Variants in CRACD observed in about 807,000 individuals in gnomAD.
The protein encoded by CRACD is capping protein-inhibiting regulator of actin dynamics.
CRACD carries 56 observed loss-of-function variants against 106.8 expected under a neutral mutation model. That is an observed-to-expected ratio of 0.52 (90% CI 0.42 to 0.66). CRACD has a LOEUF of 0.66. Among genes scored for constraint, CRACD ranks in the 30% least tolerant of loss-of-function variants. The pLI is 0.00. For missense variants in CRACD, 1,730 were observed against 1,623.2 expected (o/e 1.07, Z -1.13); for synonymous variants, 754 against 670.8 (o/e 1.12, Z -1.92).
intron 9 of CRACD, 61 bp from the exon 10 acceptor site, chr4:56,324,043 G>T (rs1160353346): frequency 8.5e-6 from 13 of 1,537,520 alleles, no homozygotes; most frequent in Admixed American, 5.7e-5. Context: ...GGCCTGCAGG[G>T]TCAGTCTTTC....
At chr4:56,079,426 G>A (rs367582730) in intron 1 of CRACD, among the ~76,000 whole-genome samples, 17 of 150,790 alleles carry the variant, frequency 1.1e-4, no homozygotes, top group South Asian at 4.2e-4. Context: ...TTCTAACATC[G>A]TCCTAGTAAT....
Position 56,316,390 on chromosome 4 carries a change from T to C in CRACD, c.2888T>C (p.Leu963Pro), listed in dbSNP as rs1745652318. The C allele has an allele frequency of 1.2e-6, 2 of 1,614,136 alleles. No homozygotes were observed. Among genetic ancestry groups the C allele is most frequent in the South Asian group, 1.1e-5 (1 of 91,086 alleles). The change falls in exon 8 of 11, where the codon CTG becomes CCG. Residue 963 changes from leucine to proline, a missense_variant. Transcript: ENST00000682029. ...NKMPLAQKPA[L>P]APKPTSQTPP... The stretch of plus-strand genomic sequence containing the variant: ...ATGCCACTGGCACAAAAGCCAGCAC[T>C]GGCTCCCAAGCCCACCAGTCAGACC...
At chr4:56,240,142 A>G (rs1008309213) in intron 2 of CRACD, among the ~76,000 whole-genome samples, 1 of 152,182 alleles carries the variant, frequency 6.6e-6, no homozygotes, top group Admixed American at 6.5e-5. Context: ...ATGTATGTAT[A>G]CTTTTCCTTG....
chr4:56,310,091 C>T (rs576509422), intron 5 of CRACD, among the ~76,000 whole-genome samples: 1 of 151,456 alleles, frequency 6.6e-6, no homozygotes, highest in African/African-American at 2.4e-5. Context: ...TACAAATGAC[C>T]TCTGGGGGTC....
chr4:56,323,501 G>C lies in CRACD; in HGVS notation c.3312G>C (p.Gln1104His). 1 of 1,608,742 alleles carries C rather than the reference G, an allele frequency of 6.2e-7. No homozygotes were observed. Among genetic ancestry groups the C allele is most frequent in the Non-Finnish European group, 8.5e-7 (1 of 1,178,628 alleles). The change falls in exon 9 of 11, where the codon CAG (glutamine) becomes CAC (histidine). Residue 1104 changes from glutamine (Q) to histidine (H), a missense_variant. Physicochemically the swap from Gln to His is conservative, Grantham distance 24 (BLOSUM62 0). Transcript: ENST00000682029. ...AGCAAAAGGGGTTTCGGGAGCAGCA[G>C]GCGACGCGGGAGGAGAGAAAGCAAG... ...LQKQKGFREQ[Q>H]ATREERKQAR...
At chr4:56,056,748 A>AAAAAT (rs538320632) in intron 1 of CRACD, among the ~76,000 whole-genome samples, 66 of 152,170 alleles carry the variant, frequency 4.3e-4, no homozygotes, top group East Asian at 1.2e-3. Context: ...AGCCTGTCTC[A>AAAAAT]AAAATAAAAT....
At chr4:56,308,786 C>T in intron 5 of CRACD, 3 of 1,245,652 alleles carry the variant, frequency 2.4e-6, no homozygotes, top group Non-Finnish European at 3.1e-6. Flanking sequence ...CTCTTCCCAA[C>T]CTCTCCAGTG....
At chr4:56,274,556 A>T (rs17809580) in intron 3 of CRACD, among the ~76,000 whole-genome samples, 1,861 of 152,292 alleles carry the variant, frequency 0.012, 19 homozygotes, top group South Asian at 0.018. Flanking sequence ...TTCAGGTTTT[A>T]CAAAGCCTTG....
At chr4:56,279,706 C>T (rs1260415842) in intron 3 of CRACD, among the ~76,000 whole-genome samples, 1 of 152,158 alleles carries the variant, frequency 6.6e-6, no homozygotes, top group Admixed American at 6.6e-5. Flanking sequence ...GGACTGTAAA[C>T]TAGTTCAACC....
intron 1 of CRACD, among the ~76,000 whole-genome samples, chr4:56,092,842 G>A (rs999295989): frequency 1.3e-5 from 2 of 152,232 alleles, no homozygotes; most frequent in Admixed American, 1.3e-4. Context: ...CCTGCCTCAA[G>A]TAATCCTCCT....
chr4:56,221,745 A>T (rs1296793474), intron 2 of CRACD, among the ~76,000 whole-genome samples: 1 of 152,242 alleles, frequency 6.6e-6, no homozygotes, highest in Non-Finnish European at 1.5e-5. Context: ...GACATTTCTC[A>T]AAAGAGGATG....
intron 2 of CRACD, among the ~76,000 whole-genome samples, chr4:56,264,055 A>G (rs915046059): frequency 1.3e-5 from 2 of 152,188 alleles, no homozygotes; most frequent in Non-Finnish European, 2.9e-5. Flanking sequence ...ATCATGGTGG[A>G]AGGCAAAGGG....
chr4:56,087,657 T>G (rs1389404163), intron 1 of CRACD, among the ~76,000 whole-genome samples: 4 of 152,206 alleles, frequency 2.6e-5, no homozygotes, highest in African/African-American at 9.7e-5. Context: ...TATTTTCTCC[T>G]ACACATCACA....
chr4:56,101,439 G>A (rs964441160), intron 1 of CRACD, among the ~76,000 whole-genome samples: 4 of 152,084 alleles, frequency 2.6e-5, no homozygotes, highest in African/African-American at 4.8e-5. Flanking sequence ...GGCACTTGGC[G>A]TCTGTGTATA....
At chr4:56,091,886 G>C (rs1433215730) in intron 1 of CRACD, among the ~76,000 whole-genome samples, 1 of 152,176 alleles carries the variant, frequency 6.6e-6, no homozygotes, top group Admixed American at 6.5e-5. Flanking sequence ...TGGAAAGAGA[G>C]TAATGAAAGA....
chr4:56,073,537 A>T (rs1298473017), intron 1 of CRACD, among the ~76,000 whole-genome samples: 2 of 150,886 alleles, frequency 1.3e-5, no homozygotes, highest in African/African-American at 4.9e-5. Context: ...TCCTTTGCCC[A>T]CTTTTTGATG....
chr4:56,059,578 A>G (rs1732200804), intron 1 of CRACD, among the ~76,000 whole-genome samples: 1 of 152,190 alleles, frequency 6.6e-6, no homozygotes, highest in South Asian at 2.1e-4. Flanking sequence ...AACATATACC[A>G]TGTATTGGGT....
intron 3 of CRACD, chr4:56,298,008 T>C (rs1744146348): frequency 2.0e-6 from 1 of 503,310 alleles, no homozygotes; most frequent in Non-Finnish European, 3.6e-6. Context: ...TGAATGGCTC[T>C]GAACCAGGGC....
intron 1 of CRACD, among the ~76,000 whole-genome samples, chr4:56,098,330 T>A (rs928547266): frequency 6.6e-6 from 1 of 152,212 alleles, no homozygotes; most frequent in South Asian, 2.1e-4. Context: ...ATTTTTTGTG[T>A]TTTCATATAT....
Sources: gnomAD v4.1 joint callset for allele counts (sites outside exome capture counted in the v4.1 genomes callset) on GRCh38, gnomAD v4.1.1 for gene constraint, MANE v1.5 for transcripts, NCBI Gene and HGNC (gene_info 2026-07-23, HGNC 2026-07-21) for gene names.